The following PCDH15 variants were observed in gnomAD, a reference collection of about 807,000 sequenced individuals.
PCDH15 encodes the protein protocadherin-15.
Under a neutral mutation model 178.5 loss-of-function variants are expected in PCDH15, and 129 were observed. The ratio of observed to expected loss-of-function variants is 0.72; its 90% CI spans 0.63 to 0.84. The LOEUF is 0.84. PCDH15 is among the 40% of genes least tolerant of loss of function. The probability of loss-of-function intolerance (pLI) is 0.00; values close to 1 mark genes in which losing one functional copy is unlikely to be tolerated. For synonymous variants in PCDH15, 800 were observed against 732.0 expected (o/e 1.09, Z -1.50); for missense variants, 2,230 against 2,099.9 (o/e 1.06, Z -1.21).
chr10:54,148,311 C>G (rs1159057978), intron 14 of PCDH15, among the ~76,000 whole-genome samples: 2 of 151,814 alleles, frequency 1.3e-5, no homozygotes, highest in Non-Finnish European at 1.5e-5. Flanking sequence ...TTCCAGAGCC[C>G]ATAAGGATAC....
At chr10:54,596,684 T>C (rs996161515) in intron 2 of PCDH15, among the ~76,000 whole-genome samples, 1 of 152,118 alleles carries the variant, frequency 6.6e-6, no homozygotes, top group Non-Finnish European at 1.5e-5. Flanking sequence ...AACACAATTG[T>C]ATGCTGTCTG....
chr10:54,873,126 G>A (rs17510549), intron 3 of PCDH15, among the ~76,000 whole-genome samples: 2,938 of 152,184 alleles, frequency 0.019, 61 homozygotes, highest in Admixed American at 0.027. Flanking sequence ...GGTGTTATAA[G>A]TGCTGCAAAC....
chr10:54,574,314 T>C (rs537783890), intron 2 of PCDH15, among the ~76,000 whole-genome samples: 2,997 of 150,568 alleles, frequency 0.02, 43 homozygotes, highest in Non-Finnish European at 0.033. Flanking sequence ...TTTCTCAGGT[T>C]TGTCAAAGAT....
In PCDH15 at chr10:54,722,377, T is replaced by C. The variant is rs545573691; in HGVS notation, c.-28-58087A>G. Among the ~76,000 whole-genome samples, 6 of 151,810 alleles carry C rather than the reference T, an allele frequency of 4.0e-5. 1 individual carries two copies. Among genetic ancestry groups the C allele is most frequent in the African/African-American group, 1.4e-4 (6 of 41,502 alleles). On this transcript the variant is annotated intron_variant, in intron 1 of 37. Coordinates refer to ENST00000644397, the MANE Select transcript of PCDH15 (RefSeq NM_001384140.1). ...TCACTTGTAATGTCATTTTTACCAT[T>C]TATCATTATTCTTCTGGGAATTTCT...
At chr10:55,443,914 G>C (rs1839254887) in intron 2 of PCDH15, among the ~76,000 whole-genome samples, 1 of 152,118 alleles carries the variant, frequency 6.6e-6, no homozygotes, top group Non-Finnish European at 1.5e-5. Context: ...GCTGGATAAA[G>C]AAAATGTGGC....
chr10:54,002,133 T>TACACACAC (rs1484352936), intron 20 of PCDH15, among the ~76,000 whole-genome samples: 21 of 150,794 alleles, frequency 1.4e-4, no homozygotes, highest in African/African-American at 4.9e-4. Context: ...TGTGTGTGTA[T>TACACACAC]ATATATATAC....
At chr10:55,352,198 T>C (rs535017554) in intron 2 of PCDH15, among the ~76,000 whole-genome samples, 4 of 152,316 alleles carry the variant, frequency 2.6e-5, no homozygotes, top group South Asian at 2.1e-4. Context: ...ATATTATACA[T>C]CACTTTAATA....
chr10:55,096,643 C>G (rs1419739009), intron 2 of PCDH15, among the ~76,000 whole-genome samples: 2 of 152,054 alleles, frequency 1.3e-5, no homozygotes, highest in Admixed American at 1.3e-4. Context: ...CCCGATTTCC[C>G]CTACCACCCT....
intron 1 of PCDH15, among the ~76,000 whole-genome samples, chr10:54,738,651 C>A (rs1002052922): frequency 6.6e-6 from 1 of 151,772 alleles, no homozygotes; most frequent in African/African-American, 2.4e-5. Context: ...ATGCAAAAAT[C>A]CTCAAAAAAC....
At position 54,382,275 on chromosome 10, in the gene PCDH15, T is replaced by G. The variant is rs58882460; in HGVS notation, c.158-3333A>C. Reference sequence around the variant, plus strand: ...TTATTAGCCTATTAATTCAGAAAAATAACTTTGCAGCTTCTTTTTATGTAC... The same window carrying G: ...TTATTAGCCTATTAATTCAGAAAAAGAACTTTGCAGCTTCTTTTTATGTAC... On this transcript the variant is annotated intron_variant, in intron 3 of 37. Transcript: ENST00000644397. Among the ~76,000 whole-genome samples the G allele has an allele frequency of 7.6e-3, 1,164 of 152,186 alleles. 15 individuals are homozygous for G. Among genetic ancestry groups the G allele is most frequent in the African/African-American group, 0.026 (1,098 of 41,552 alleles).
At chr10:53,878,802 A>AAG (rs2080475014) in intron 26 of PCDH15, among the ~76,000 whole-genome samples, 2 of 152,124 alleles carry the variant, frequency 1.3e-5, no homozygotes, top group South Asian at 4.1e-4. Flanking sequence ...ATGTCTATAG[A>AAG]AGACTATCAT....
chr10:55,125,854 G>C (rs1304047990), intron 2 of PCDH15, among the ~76,000 whole-genome samples: 1 of 152,052 alleles, frequency 6.6e-6, no homozygotes, highest in Non-Finnish European at 1.5e-5. Context: ...GGCATAGCTT[G>C]GTAGGCATAG....
Position 54,979,119 on chromosome 10 carries a change from G to C in PCDH15, c.-79-81619C>G, listed in dbSNP as rs531545933. On this transcript the variant is annotated intron_variant, in intron 2 of 5. Transcript: ENST00000458638. Reference sequence around the variant, plus strand: ...AAGGTCACATATGTAGTAAAGAACAGAGTGATATGGCTCCAAAGCTAATAC... The same window carrying C: ...AAGGTCACATATGTAGTAAAGAACACAGTGATATGGCTCCAAAGCTAATAC... 1.8e-4 allele frequency among the ~76,000 whole-genome samples: 27 copies of C among 152,256 alleles called. No individual in the cohort carries two copies. The South Asian group carries it at 5.4e-3, about 30-fold the overall frequency.
chr10:54,842,813 T>C (rs1362129385), intron 3 of PCDH15, among the ~76,000 whole-genome samples: 1 of 151,958 alleles, frequency 6.6e-6, no homozygotes, highest in Non-Finnish European at 1.5e-5. Flanking sequence ...AATGAAAGTC[T>C]TATGTTTTCT....
At chr10:54,449,442 G>C (rs2076333146) in intron 3 of PCDH15, among the ~76,000 whole-genome samples, 1 of 151,490 alleles carries the variant, frequency 6.6e-6, no homozygotes, top group African/African-American at 2.4e-5. Flanking sequence ...GCTTGCTTCT[G>C]GTAAATATAA....
At chr10:55,623,676 G>A (rs968085662) in intron 2 of PCDH15, among the ~76,000 whole-genome samples, 4 of 151,032 alleles carry the variant, frequency 2.6e-5, no homozygotes, top group African/African-American at 7.3e-5. Context: ...TTTCATCAGA[G>A]CACAGAGGAT....
intron 2 of PCDH15, among the ~76,000 whole-genome samples, chr10:54,908,555 G>A (rs751938171): frequency 6.6e-6 from 1 of 152,126 alleles, no homozygotes; most frequent in African/African-American, 2.4e-5. Flanking sequence ...GCAAGTTTCC[G>A]CCCATATCGT....
chr10:54,240,626 C>CA (rs1491118853), intron 8 of PCDH15, among the ~76,000 whole-genome samples: 6 of 79,686 alleles, frequency 7.5e-5, no homozygotes, highest in South Asian at 1.1e-3. Flanking sequence ...TTTTCTTTTG[C>CA]TTTTTTTTTT....
At chr10:54,527,770 C>A (rs2083493056) in intron 3 of PCDH15, 42 bp downstream of exon 3, 1 of 1,500,668 alleles carries the variant, frequency 6.7e-7, no homozygotes, top group Non-Finnish European at 9.2e-7. Context: ...CTGAAGAAAA[C>A]CCTCTTAGAT....
Sources: gnomAD v4.1 joint callset for allele counts (sites outside exome capture counted in the v4.1 genomes callset) on GRCh38, gnomAD v4.1.1 for gene constraint, MANE v1.5 for transcripts, NCBI Gene and HGNC (gene_info 2026-07-23, HGNC 2026-07-21) for gene names.